PALLD: variants seen among roughly 807,000 people sequenced by gnomAD.
The protein encoded by PALLD is palladin.
A neutral mutation model predicts 123.5 loss-of-function variants in PALLD; 61 were observed. The ratio of observed to expected loss-of-function variants is 0.49; its 90% CI spans 0.40 to 0.61. The LOEUF is 0.61. PALLD is among the 20% of genes least tolerant of loss of function. PALLD has a pLI of 0.00. For missense variants in PALLD, 1,273 were observed against 1,377.0 expected, an observed-to-expected ratio of 0.92 and a Z score of 1.20; for synonymous variants, 465 against 496.4, an observed-to-expected ratio of 0.94 and a Z score of 0.84.
intron 2 of PALLD, among the ~76,000 whole-genome samples, chr4:168,607,186 A>C (rs568422775): frequency 6.6e-6 from 1 of 152,304 alleles, no homozygotes; most frequent in Non-Finnish European, 1.5e-5. Context: ...GAAAGGAAGA[A>C]GAGACAGTGC....
At chr4:168,887,127 A>AG (rs1217831059) in intron 10 of PALLD, among the ~76,000 whole-genome samples, 2 of 147,916 alleles carry the variant, frequency 1.4e-5, no homozygotes, top group Non-Finnish European at 3.0e-5. Context: ...AAAAAAAAAA[A>AG]AAAAAGAAAA....
At chr4:168,815,593 A>G (rs1335821862) in intron 10 of PALLD, among the ~76,000 whole-genome samples, 1 of 148,864 alleles carries the variant, frequency 6.7e-6, no homozygotes, top group Admixed American at 6.8e-5. Context: ...AATCGACTGA[A>G]TGGTAACAAG....
At chr4:168,733,911 AT>A (rs1200784897) in intron 10 of PALLD, among the ~76,000 whole-genome samples, 2 of 151,948 alleles carry the variant, frequency 1.3e-5, no homozygotes, top group East Asian at 3.9e-4. Flanking sequence ...ATTTTTTTGT[AT>A]TTTTAGTAGA....
At chr4:168,690,486 CA>C in intron 6 of PALLD, 116 bp from the exon 7 acceptor site, 1 of 1,267,936 alleles carries the variant, frequency 7.9e-7, no homozygotes, top group Non-Finnish European at 1.2e-6. Flanking sequence ...GCAAGTTTTG[CA>C]TTTTGTGTTT....
intron 10 of PALLD, chr4:168,877,843 C>A: frequency 1.5e-6 from 2 of 1,348,310 alleles, no homozygotes; most frequent in Non-Finnish European, 9.5e-7. Context: ...CGCCGCCGCC[C>A]GCCTTCCCCG....
rs540326296 is a variant in PALLD, at chr4:168,827,199, A to G, written c.1965-63723A>G. 1.8e-4 allele frequency among the ~76,000 whole-genome samples: 27 copies of G among 152,324 alleles called. No homozygotes were observed. In the South Asian group the frequency reaches 5.2e-3, roughly 29 times the overall value. On this transcript the variant is annotated intron_variant, in intron 10 of 21. Transcript: ENST00000505667. ...ATAAAAAGTTGTGAACAAACCAAAG[A>G]GCCATAAAGTTATCTTTACCAATAG...
chr4:168,687,066 C>T (rs1269577691), intron 6 of PALLD, among the ~76,000 whole-genome samples: 6 of 152,232 alleles, frequency 3.9e-5, no homozygotes, highest in Non-Finnish European at 5.9e-5. Flanking sequence ...ATACTTTTCA[C>T]GACAAACAAT....
intron 8 of PALLD, among the ~76,000 whole-genome samples, chr4:168,696,520 C>T (rs1315996430): frequency 6.6e-6 from 1 of 151,718 alleles, no homozygotes; most frequent in Non-Finnish European, 1.5e-5. Context: ...CTGGAGAAAA[C>T]CTCTAGCATG....
chr4:168,516,992 A>G (rs1210259560), intron 2 of PALLD, among the ~76,000 whole-genome samples: 2 of 152,146 alleles, frequency 1.3e-5, no homozygotes, highest in African/African-American at 4.8e-5. Flanking sequence ...TGGCAGCTGT[A>G]GTGGGAGGTG....
At chr4:168,617,179 A>G (rs1774309879) in intron 2 of PALLD, among the ~76,000 whole-genome samples, 1 of 152,202 alleles carries the variant, frequency 6.6e-6, no homozygotes, top group Non-Finnish European at 1.5e-5. Flanking sequence ...AGGCCCAAAT[A>G]GCCCAACTCT....
At position 168,888,372 on chromosome 4, in the gene PALLD, T is replaced by C. The variant is rs532513439; in HGVS notation, c.1965-2550T>C. 2.0e-5 allele frequency among the ~76,000 whole-genome samples: 3 copies of C among 152,348 alleles called. No homozygotes were observed. In the East Asian group the frequency reaches 5.8e-4, roughly 29 times the overall value. ...AGGAGATTCGATGCACAGGGTTTAC[T>C]GACTTATGAAACAAGTCTGGGGTAG... On this transcript the variant is annotated intron_variant, in intron 10 of 21. Coordinates refer to ENST00000505667, the MANE Select transcript of PALLD (RefSeq NM_001166108.2).
At chr4:168,798,298 T>A (rs1477949163) in intron 10 of PALLD, among the ~76,000 whole-genome samples, 1 of 152,168 alleles carries the variant, frequency 6.6e-6, no homozygotes, top group African/African-American at 2.4e-5. Flanking sequence ...TAGGAGAAAT[T>A]TAAATTATAT....
chr4:168,921,490 CTG>C (rs753485569), intron 17 of PALLD, 42 bp from the exon 18 acceptor site: 2 of 1,342,594 alleles, frequency 1.5e-6, no homozygotes, highest in African/African-American at 1.5e-5. Flanking sequence ...TGATTTCACT[CTG>C]TTTTAATACA....
chr4:168,734,217 A>C (rs1400124826), intron 10 of PALLD, among the ~76,000 whole-genome samples: 1 of 152,118 alleles, frequency 6.6e-6, no homozygotes, highest in African/African-American at 2.4e-5. Context: ...TTTGTTTCCC[A>C]AAAAAATTTA....
chr4:168,902,302 GACA>G (rs1756689286), intron 14 of PALLD, among the ~76,000 whole-genome samples: 1 of 149,954 alleles, frequency 6.7e-6, no homozygotes, highest in African/African-American at 2.5e-5. Context: ...AACAAAAAAT[GACA>G]ACAAATAACT....
At chr4:168,881,686 G>A (rs1752631094) in intron 10 of PALLD, among the ~76,000 whole-genome samples, 1 of 152,038 alleles carries the variant, frequency 6.6e-6, no homozygotes, top group Non-Finnish European at 1.5e-5. Context: ...TCTTTTAGAT[G>A]GAGGCAGTAA....
intron 2 of PALLD, among the ~76,000 whole-genome samples, chr4:168,544,973 A>G (rs1254787410): frequency 6.6e-6 from 1 of 152,184 alleles, no homozygotes; most frequent in Non-Finnish European, 1.5e-5. Context: ...GGTAGAGGCT[A>G]GCATTGTCAG....
intron 2 of PALLD, among the ~76,000 whole-genome samples, chr4:168,616,884 C>T (rs1774270586): frequency 6.6e-6 from 1 of 152,118 alleles, no homozygotes; most frequent in Non-Finnish European, 1.5e-5. Flanking sequence ...CCAGCTTTGC[C>T]CTCATGCCTC....
intron 8 of PALLD, among the ~76,000 whole-genome samples, chr4:168,698,542 C>G (rs1783375067): frequency 6.6e-6 from 1 of 151,794 alleles, no homozygotes; most frequent in East Asian, 1.9e-4. Context: ...TTTAAAGAAA[C>G]AAAATATGGA....
Sources: gnomAD v4.1 joint callset for allele counts (sites outside exome capture counted in the v4.1 genomes callset) on GRCh38, gnomAD v4.1.1 for gene constraint, MANE v1.5 for transcripts, NCBI Gene and HGNC (gene_info 2026-07-23, HGNC 2026-07-21) for gene names.